SLC30A8: variants seen among roughly 807,000 people sequenced by gnomAD.
SLC30A8 encodes proton-coupled zinc antiporter SLC30A8.
Under a neutral mutation model 36.9 loss-of-function variants are expected in SLC30A8, and 27 were observed. That is an observed-to-expected ratio of 0.73 (90% CI 0.54 to 1.01). SLC30A8 has a LOEUF of 1.01. SLC30A8 is among the 50% of genes least tolerant of loss of function. The pLI is 0.00. For synonymous variants in SLC30A8, 164 were observed against 172.4 expected, an observed-to-expected ratio of 0.95 and a Z score of 0.38; for missense variants, 439 against 452.0, an observed-to-expected ratio of 0.97 and a Z score of 0.26.
In SLC30A8 at chr8:117,161,439, TCAAA is replaced by T. The variant is rs557754122; in HGVS notation, c.573-298_573-295del. ...TAAAGGAGATTTCCTCCCTTCATTA[TCAAA>T]TGCTTGATTTTCATCTAAGAAGTGA... is the stretch of plus-strand genomic sequence containing the variant. On this transcript the variant is annotated intron_variant, in intron 4 of 7. Coordinates refer to ENST00000456015, the MANE Select transcript of SLC30A8 (RefSeq NM_173851.3). Among the ~76,000 whole-genome samples the T allele has an allele frequency of 7.9e-4, 120 of 152,318 alleles. 1 individual carries two copies. The highest frequency in any genetic ancestry group is 2.7e-3 in the African/African-American group (113 of 41,576).
chr8:117,115,730 C>G (rs1163517738), intron 2 of SLC30A8, among the ~76,000 whole-genome samples: 8 of 151,968 alleles, frequency 5.3e-5, no homozygotes, highest in Admixed American at 5.3e-4. Context: ...GGATTAGGAG[C>G]CACTTTCTTC....
chr8:117,168,148 AAGTGAGATTTG>A (rs534748331), intron 6 of SLC30A8, among the ~76,000 whole-genome samples: 36 of 152,268 alleles, frequency 2.4e-4, no homozygotes, highest in African/African-American at 8.2e-4. Context: ...TTACAATTAA[AAGTGAGATTTG>A]GGTGAGATTT....
rs545285089 is a variant in SLC30A8, at chr8:117,153,077, A to T, written c.405A>T (p.Gly135=). ...SKPPSKRLTF[G]WHRAEILGAL... Reference sequence around the variant, plus strand: ...CTCCCTCTAAGCGGCTGACATTTGGATGGCACCGAGCAGGTACGGTTCATA... The same window carrying T: ...CTCCCTCTAAGCGGCTGACATTTGGTTGGCACCGAGCAGGTACGGTTCATA... Residue 135 remains glycine (G), a synonymous_variant, in exon 3 of 8, where the codon GGA becomes GGT. Coordinates refer to ENST00000456015, the MANE Select transcript of SLC30A8 (RefSeq NM_173851.3). 5.6e-6 allele frequency: 9 copies of T among 1,610,508 alleles called. No homozygotes were observed. The South Asian group carries it at 7.7e-5, about 14-fold the overall frequency.
intron 2 of SLC30A8, among the ~76,000 whole-genome samples, chr8:117,124,347 A>G (rs1350934221): frequency 2.0e-5 from 3 of 152,050 alleles, no homozygotes; most frequent in South Asian, 2.1e-4. Context: ...TCAGATGCTC[A>G]CAGCTACAAA....
At chr8:117,132,742 CA>C (rs1821186086), upstream of SLC30A8, among the ~76,000 whole-genome samples, 1 of 151,886 alleles carries the variant, frequency 6.6e-6, no homozygotes. Flanking sequence ...GTTGTGATGA[CA>C]AAATATTTGA....
chr8:117,036,071 C>T (rs1203309429), intron 1 of SLC30A8, among the ~76,000 whole-genome samples: 1 of 152,068 alleles, frequency 6.6e-6, no homozygotes, highest in Non-Finnish European at 1.5e-5. Flanking sequence ...ACATTTGGCT[C>T]CTCTTTACTT....
intron 2 of SLC30A8, among the ~76,000 whole-genome samples, chr8:117,105,839 GAC>G (rs1819971087): frequency 6.6e-6 from 1 of 152,124 alleles, no homozygotes; most frequent in African/African-American, 2.4e-5. Context: ...TACCCAAGTT[GAC>G]ACATAAAACT....
intron 1 of SLC30A8, among the ~76,000 whole-genome samples, chr8:116,955,424 ACAAGC>A (rs1814159951): frequency 6.6e-6 from 1 of 152,054 alleles, no homozygotes; most frequent in South Asian, 2.1e-4. Flanking sequence ...TGCTGCACCT[ACAAGC>A]CAGGGAATGC....
intron 1 of SLC30A8, among the ~76,000 whole-genome samples, chr8:116,978,645 AT>A (rs768464621): frequency 1.2e-4 from 18 of 152,216 alleles, no homozygotes; most frequent in Non-Finnish European, 2.4e-4. Flanking sequence ...CAAAAATGTT[AT>A]GAAAGAAAGC....
At chr8:117,152,332 C>T (rs1218301440) in intron 2 of SLC30A8, among the ~76,000 whole-genome samples, 1 of 152,166 alleles carries the variant, frequency 6.6e-6, no homozygotes, top group Non-Finnish European at 1.5e-5. Flanking sequence ...GCAGGACTCT[C>T]ATGGCTTACA....
intron 1 of SLC30A8, among the ~76,000 whole-genome samples, chr8:116,975,985 G>T (rs1053326251): frequency 6.6e-6 from 1 of 152,168 alleles, no homozygotes; most frequent in African/African-American, 2.4e-5. Flanking sequence ...ATATGGGAGA[G>T]GAGAATGGGT....
chr8:117,153,992 A>G (rs985918478), intron 3 of SLC30A8, among the ~76,000 whole-genome samples: 9 of 152,208 alleles, frequency 5.9e-5, no homozygotes, highest in African/African-American at 1.9e-4. Flanking sequence ...TGTATGCACT[A>G]AAACAGACAT....
At chr8:117,086,993 T>C (rs1048490374) in intron 2 of SLC30A8, among the ~76,000 whole-genome samples, 20 of 152,242 alleles carry the variant, frequency 1.3e-4, no homozygotes, top group African/African-American at 4.6e-4. Flanking sequence ...TGCTGCTGGC[T>C]GTATGTATAT....
intron 1 of SLC30A8, among the ~76,000 whole-genome samples, chr8:117,021,500 A>T (rs894050488): frequency 4.2e-4 from 64 of 152,214 alleles, no homozygotes; most frequent in African/African-American, 1.5e-3. Context: ...AGAATACCTA[A>T]ATATGTAGAG....
chr8:117,159,798 C>CT (rs1198525771), intron 4 of SLC30A8, among the ~76,000 whole-genome samples: 1 of 152,160 alleles, frequency 6.6e-6, no homozygotes, highest in Non-Finnish European at 1.5e-5. Context: ...CTTAGGCTGT[C>CT]TTGATGCTAC....
chr8:117,048,547 G>A (rs1211164562), intron 2 of SLC30A8, among the ~76,000 whole-genome samples: 1 of 151,978 alleles, frequency 6.6e-6, no homozygotes, highest in Admixed American at 6.6e-5. Flanking sequence ...TGGTTGAATT[G>A]CTTCATTTAT....
At chr8:117,025,421 T>C (rs1322462028) in intron 1 of SLC30A8, among the ~76,000 whole-genome samples, 1 of 152,202 alleles carries the variant, frequency 6.6e-6, no homozygotes, top group African/African-American at 2.4e-5. Context: ...CTCAGTGAAA[T>C]TCTTGAATGA....
intron 1 of SLC30A8, among the ~76,000 whole-genome samples, chr8:116,974,790 A>G (rs1455404412): frequency 6.6e-6 from 1 of 152,074 alleles, no homozygotes; most frequent in Non-Finnish European, 1.5e-5. Flanking sequence ...ACCAACCCAA[A>G]TGTCCATCAA....
intron 1 of SLC30A8, among the ~76,000 whole-genome samples, chr8:116,954,355 T>A (rs1332968475): frequency 6.6e-6 from 1 of 151,880 alleles, no homozygotes; most frequent in Non-Finnish European, 1.5e-5. Flanking sequence ...GTGGAAGAAA[T>A]TAACTAAAAC....
Sources: allele counts gnomAD v4.1 joint callset (sites outside exome capture counted in the v4.1 genomes callset), GRCh38; gene constraint gnomAD v4.1.1; transcripts MANE v1.5; gene names NCBI Gene and HGNC (gene_info 2026-07-23, HGNC 2026-07-21).